Variants in LRRFIP1 observed in about 807,000 individuals in gnomAD.
LRRFIP1 encodes LRR binding FLII interacting protein 1.
In LRRFIP1, 62 loss-of-function variants were observed where a neutral mutation model predicts 104.4. The ratio of observed to expected loss-of-function variants is 0.59; its 90% CI spans 0.48 to 0.73. The LOEUF (loss-of-function observed/expected upper bound fraction) is 0.73, where lower values mean the gene tolerates loss of function less well. LRRFIP1 is among the 30% of genes least tolerant of loss of function. LRRFIP1 has a pLI of 0.00. For missense variants in LRRFIP1, 796 were observed against 824.5 expected, an observed-to-expected ratio of 0.97 and a Z score of 0.42; for synonymous variants, 300 against 299.0, an observed-to-expected ratio of 1.00 and a Z score of -0.03.
intron 1 of LRRFIP1, among the ~76,000 whole-genome samples, chr2:237,687,955 G>A (rs2092494945): frequency 6.6e-6 from 1 of 152,246 alleles, no homozygotes; most frequent in African/African-American, 2.4e-5. Flanking sequence ...ATGTTTGGGT[G>A]TGGCCCCAAA....
chr2:237,709,955 C>T (rs924245116), intron 2 of LRRFIP1, among the ~76,000 whole-genome samples: 13 of 151,624 alleles, frequency 8.6e-5, no homozygotes, highest in African/African-American at 1.9e-4. Context: ...CAGATTCAAG[C>T]GATTATCATG....
intron 2 of LRRFIP1, among the ~76,000 whole-genome samples, chr2:237,708,982 C>A (rs368022532): frequency 6.6e-6 from 1 of 152,204 alleles, no homozygotes; most frequent in Non-Finnish European, 1.5e-5. Context: ...AAAAGAAGAA[C>A]GGATTAATGA....
chr2:237,765,798 G>A, intron 19 of LRRFIP1: 1 of 963,792 alleles, frequency 1.0e-6, no homozygotes, highest in Non-Finnish European at 1.2e-6. Flanking sequence ...ATGAAATTAT[G>A]TGGATTCATA....
chr2:237,765,387 G>A (rs1285228351), intron 19 of LRRFIP1: 2 of 698,016 alleles, frequency 2.9e-6, no homozygotes, highest in African/African-American at 2.1e-5. Flanking sequence ...AGTGAGCTAT[G>A]ATTGCACACT....
intron 3 of LRRFIP1, 28 bp downstream of exon 3, chr2:237,714,304 C>A: frequency 6.3e-7 from 1 of 1,580,488 alleles, no homozygotes; most frequent in Non-Finnish European, 8.7e-7. Context: ...TATTTTCTAA[C>A]TTGCATGTAC....
intron 1 of LRRFIP1, among the ~76,000 whole-genome samples, chr2:237,708,165 T>G (rs2093906375): frequency 6.6e-6 from 1 of 152,238 alleles, no homozygotes; most frequent in Admixed American, 6.5e-5. Context: ...GGAGGCTGAC[T>G]GCCCAGCCCT....
rs766670795 is a variant in LRRFIP1 at position 237,627,683 on chromosome 2, C to G, written c.39C>G (p.Leu13=). 7.3e-7 allele frequency: 1 copy of G among 1,371,800 alleles called. No individual in the cohort carries two copies. Among genetic ancestry groups the G allele is most frequent in the Non-Finnish European group, 9.5e-7 (1 of 1,050,574 alleles). The allele number at this position is 1,371,800 out of a possible 1,614,324, so 85.0% of individuals were successfully genotyped here. ...CCCAGGGATCGGGGCGCAAGCGGCT[C>G]CCCAACCGGGAGCGGCTCACGGCGG... The part of the protein sequence containing the change: ...MGTQGSGRKR[L]PNRERLTAED... The change falls in exon 1 of 24, where the codon CTC becomes CTG. Residue 13 remains leucine, a synonymous_variant. Coordinates refer to ENST00000308482, the MANE Select transcript of LRRFIP1 (RefSeq NM_001137550.2).
At chr2:237,690,601 G>A (rs1346186470) in intron 1 of LRRFIP1, among the ~76,000 whole-genome samples, 6 of 152,002 alleles carry the variant, frequency 3.9e-5, no homozygotes, top group South Asian at 2.1e-4. Flanking sequence ...GCCGGGCATG[G>A]TGGCAGGTGC....
intron 1 of LRRFIP1, among the ~76,000 whole-genome samples, chr2:237,676,293 T>G (rs2091149440): frequency 6.6e-6 from 1 of 152,154 alleles, no homozygotes; most frequent in East Asian, 1.9e-4. Flanking sequence ...CATACTTTAA[T>G]GCAAGCAGTA....
chr2:237,648,194 C>CA (rs34272305), intron 1 of LRRFIP1, among the ~76,000 whole-genome samples: 19,598 of 151,712 alleles, frequency 0.13, 1,958 homozygotes, highest in Non-Finnish European at 0.2. Flanking sequence ...GCTGTGGACC[C>CA]GGCAGCCCTG....
intron 1 of LRRFIP1, among the ~76,000 whole-genome samples, chr2:237,685,673 G>A (rs753792624): frequency 1.1e-4 from 17 of 152,084 alleles, no homozygotes; most frequent in Admixed American, 2.0e-4. Context: ...TCCCCTCCCC[G>A]CTCCCCACAC....
chr2:237,678,748 T>A (rs1052657655), intron 1 of LRRFIP1, among the ~76,000 whole-genome samples: 1 of 152,142 alleles, frequency 6.6e-6, no homozygotes, highest in African/African-American at 2.4e-5. Flanking sequence ...CCTCAAGTGA[T>A]CTGCCTGCCG....
At chr2:237,775,325 C>T (rs10176913) in intron 23 of LRRFIP1, among the ~76,000 whole-genome samples, 1 of 151,956 alleles carries the variant, frequency 6.6e-6, no homozygotes, top group Non-Finnish European at 1.5e-5. Context: ...CAGGGGAGCT[C>T]GGGGCAAGGC....
At chr2:237,632,426 C>T (rs201053988) in intron 1 of LRRFIP1, among the ~76,000 whole-genome samples, 2 of 152,350 alleles carry the variant, frequency 1.3e-5, no homozygotes, top group East Asian at 3.9e-4. Flanking sequence ...CCCTGACTGG[C>T]CTGCCCCCCT....
Position 237,772,130 on chromosome 2 carries a change from T to C in LRRFIP1, c.1559T>C (p.Leu520Pro), listed in dbSNP as rs186885907. Residue 520 changes from leucine (L) to proline (P), a missense_variant, in exon 21 of 24, where the codon CTA (leucine) becomes CCA (proline). Leu to Pro is a moderately conservative substitution (Grantham distance 98). Coordinates refer to ENST00000308482, the MANE Select transcript of LRRFIP1 (RefSeq NM_001137550.2). ...QLEERQKIGK[L>P]DNLRSEDDVL... Reference sequence around the variant, plus strand: ...GAGGAGAGACAGAAGATTGGCAAACTAGACAATCTTCGATCTGAAGATGAT... The same window carrying C: ...GAGGAGAGACAGAAGATTGGCAAACCAGACAATCTTCGATCTGAAGATGAT... 1.2e-4 allele frequency: 199 copies of C among 1,613,990 alleles called. No homozygotes were observed. Among genetic ancestry groups the C allele is most frequent in the Non-Finnish European group, 1.6e-4 (188 of 1,179,876 alleles).
In LRRFIP1 at chr2:237,750,350, T is replaced by A. The variant is rs1274891138; in HGVS notation, c.796-850T>A. On this transcript the variant is annotated intron_variant, in intron 13 of 23. Transcript: ENST00000308482. ...TCTTTTTTTTTTTTTTTTTTTTTTT[T>A]TGGAGACAAGAGTTTTGCTTTTGTC... Among the ~76,000 whole-genome samples the A allele has an allele frequency of 2.2e-5, 3 of 136,396 alleles. No individual in the cohort carries two copies. In the Admixed American group the frequency reaches 2.3e-4, roughly 10 times the overall value. 89.5% of individuals were successfully genotyped at this position (136,396 alleles called of 152,430 possible).
At chr2:237,630,561 C>T (rs551181829) in intron 1 of LRRFIP1, among the ~76,000 whole-genome samples, 22 of 152,318 alleles carry the variant, frequency 1.4e-4, no homozygotes, top group Non-Finnish European at 2.2e-4. Flanking sequence ...GAATCACAGC[C>T]GGCCAGTGGT....
intron 19 of LRRFIP1, chr2:237,764,358 T>C: frequency 1.4e-6 from 2 of 1,467,386 alleles, no homozygotes; most frequent in South Asian, 1.5e-5. Flanking sequence ...TTGTTATCAG[T>C]GTACGTTCTA....
rs1022547740 is a variant in LRRFIP1, at chr2:237,735,186, T to A, written c.490-82T>A. 1.7e-6 allele frequency: 2 copies of A among 1,195,398 alleles called. No individual in the cohort carries two copies. The highest frequency in any genetic ancestry group is 4.8e-5 in the East Asian group (2 of 41,448). The allele number at this position is 1,195,398 out of a possible 1,614,324, so 74.0% of individuals were successfully genotyped here. A position where few individuals can be genotyped will look rare whatever the true frequency, so the allele number is the denominator to read the frequency against. ...CATGCTCCTGGCACGTGTCAGTTTT[T>A]CACAGCTCACGTTTTCAGCACTTTC... On this transcript the variant is annotated intron_variant, in intron 9 of 23. Coordinates refer to ENST00000308482, the MANE Select transcript of LRRFIP1 (RefSeq NM_001137550.2). The surrounding 1 kb of genome is among the most constrained non-coding windows in gnomAD (Gnocchi z 4.6).
Sources: allele counts gnomAD v4.1 joint callset (sites outside exome capture counted in the v4.1 genomes callset), GRCh38; gene constraint gnomAD v4.1.1; non-coding constraint Gnocchi (gnomAD v3.1); transcripts MANE v1.5; gene names NCBI Gene and HGNC (gene_info 2026-07-23, HGNC 2026-07-21).